The following GRXCR1 variants were observed in gnomAD, a reference collection of about 807,000 sequenced individuals.
The protein encoded by GRXCR1 is glutaredoxin and cysteine rich domain containing 1, also known as glutaredoxin domain-containing cysteine-rich protein 1.
Under a neutral mutation model 27.3 loss-of-function variants are expected in GRXCR1, and 27 were observed. The observed-to-expected ratio is 0.99, with a 90% CI of 0.73 to 1.37. The LOEUF (loss-of-function observed/expected upper bound fraction) is 1.37. Among genes scored for constraint, GRXCR1 ranks in the 40% most tolerant of loss-of-function variants. The probability of loss-of-function intolerance (pLI) is 0.00; values close to 1 mark genes in which losing one functional copy is unlikely to be tolerated. For synonymous variants in GRXCR1, 122 were observed against 131.1 expected, an observed-to-expected ratio of 0.93 and a Z score of 0.47; for missense variants, 379 against 354.4, an observed-to-expected ratio of 1.07 and a Z score of -0.56.
intron 1 of GRXCR1, among the ~76,000 whole-genome samples, chr4:42,899,242 C>A (rs572408925): frequency 8.6e-4 from 131 of 152,170 alleles, no homozygotes; most frequent in African/African-American, 3.1e-3. Flanking sequence ...TGCTGGCTTG[C>A]TTCATTCCAT....
intron 2 of GRXCR1, among the ~76,000 whole-genome samples, chr4:42,970,889 G>A (rs1246212712): frequency 6.6e-6 from 1 of 152,108 alleles, no homozygotes; most frequent in Non-Finnish European, 1.5e-5. Flanking sequence ...AAATTGTTAT[G>A]CTCTTCTTCC....
chr4:42,979,911 A>T (rs1748609577), intron 2 of GRXCR1, among the ~76,000 whole-genome samples: 1 of 151,862 alleles, frequency 6.6e-6, no homozygotes, highest in South Asian at 2.1e-4. Flanking sequence ...TATGTCCAGG[A>T]ATTCATTCAT....
intron 2 of GRXCR1, among the ~76,000 whole-genome samples, chr4:42,995,098 A>G (rs1199173276): frequency 6.6e-6 from 1 of 152,190 alleles, no homozygotes; most frequent in African/African-American, 2.4e-5. Flanking sequence ...GTCTATATAC[A>G]TAAACTTGGG....
chr4:43,015,219 T>A (rs1267868180), intron 2 of GRXCR1, among the ~76,000 whole-genome samples: 1 of 152,158 alleles, frequency 6.6e-6, no homozygotes, highest in Non-Finnish European at 1.5e-5. Context: ...TGCAATCAAA[T>A]AGTGAAGACA....
intron 2 of GRXCR1, among the ~76,000 whole-genome samples, chr4:42,987,229 T>TATAA (rs1362997341): frequency 1.1e-5 from 1 of 92,236 alleles, no homozygotes; most frequent in African/African-American, 4.2e-5. Flanking sequence ...ATATTATATA[T>TATAA]TATATATATA....
intron 1 of GRXCR1, among the ~76,000 whole-genome samples, chr4:42,931,961 G>A (rs1052926719): frequency 6.6e-6 from 1 of 151,916 alleles, no homozygotes; most frequent in African/African-American, 2.4e-5. Context: ...CGGCAATAGA[G>A]AGGCAGAGAA....
At chr4:43,009,881 A>G (rs1219547116) in intron 2 of GRXCR1, among the ~76,000 whole-genome samples, 1 of 152,166 alleles carries the variant, frequency 6.6e-6, no homozygotes, top group Non-Finnish European at 1.5e-5. Flanking sequence ...CTATCTATGT[A>G]TCTATGTGCC....
chr4:42,912,313 A>G (rs552715384), intron 1 of GRXCR1, among the ~76,000 whole-genome samples: 2 of 152,208 alleles, frequency 1.3e-5, no homozygotes, highest in Non-Finnish European at 2.9e-5. Context: ...ATAGAATTAC[A>G]AAGACTTAGT....
At chr4:42,953,426 G>C (rs911490963) in intron 1 of GRXCR1, among the ~76,000 whole-genome samples, 1 of 152,140 alleles carries the variant, frequency 6.6e-6, no homozygotes. Context: ...AAGGCTATGA[G>C]TAGGTGTTCT....
intron 1 of GRXCR1, among the ~76,000 whole-genome samples, chr4:42,930,040 C>G (rs544763496): frequency 6.6e-6 from 1 of 151,996 alleles, no homozygotes; most frequent in Non-Finnish European, 1.5e-5. Context: ...CCTTTTGGCT[C>G]TCAGTAGATT....
intron 2 of GRXCR1, among the ~76,000 whole-genome samples, chr4:42,969,353 T>C (rs1748326536): frequency 6.6e-6 from 1 of 152,144 alleles, no homozygotes; most frequent in African/African-American, 2.4e-5. Context: ...AAGAACTACC[T>C]GAGACTGGGT....
At chr4:42,907,647 C>T (rs1746626741) in intron 1 of GRXCR1, among the ~76,000 whole-genome samples, 1 of 152,128 alleles carries the variant, frequency 6.6e-6, no homozygotes. Context: ...CTCCCTGCTC[C>T]TTATATGTAG....
chr4:43,015,040 C>G (rs16855214), intron 2 of GRXCR1, among the ~76,000 whole-genome samples: 11,666 of 151,970 alleles, frequency 0.077, 791 homozygotes, highest in African/African-American at 0.19. Flanking sequence ...AGGATGCATA[C>G]GAGTTTCCCA....
intron 2 of GRXCR1, among the ~76,000 whole-genome samples, chr4:43,017,979 G>C (rs1014771823): frequency 6.6e-6 from 1 of 152,230 alleles, no homozygotes; most frequent in African/African-American, 2.4e-5. Context: ...CTCAGCATGG[G>C]AGTGATCTGT....
chr4:42,931,163 T>G (rs1045372350), intron 1 of GRXCR1, among the ~76,000 whole-genome samples: 2 of 152,062 alleles, frequency 1.3e-5, no homozygotes, highest in Non-Finnish European at 2.9e-5. Context: ...AAATGTTGGA[T>G]AAACTTTCAG....
At chr4:42,953,226 A>G (rs1031468946) in intron 1 of GRXCR1, among the ~76,000 whole-genome samples, 2 of 152,136 alleles carry the variant, frequency 1.3e-5, no homozygotes, top group Non-Finnish European at 2.9e-5. Context: ...CCATTCCTCT[A>G]TCAAGAAGTG....
intron 1 of GRXCR1, among the ~76,000 whole-genome samples, chr4:42,947,505 CTTCA>C (rs1747775556): frequency 6.6e-6 from 1 of 152,124 alleles, no homozygotes; most frequent in African/African-American, 2.4e-5. Flanking sequence ...GGAATATAGA[CTTCA>C]TTCAATGATT....
chr4:42,976,541 G>A (rs919242797), intron 2 of GRXCR1, among the ~76,000 whole-genome samples: 2 of 151,832 alleles, frequency 1.3e-5, no homozygotes, highest in African/African-American at 4.8e-5. Flanking sequence ...TCACACCCAC[G>A]AAACCAGCAC....
At chr4:43,016,932 G>A (rs111786640) in intron 2 of GRXCR1, among the ~76,000 whole-genome samples, 5,400 of 152,012 alleles carry the variant, frequency 0.036, 116 homozygotes, top group African/African-American at 0.052. Flanking sequence ...CCTTATCTTC[G>A]TCTGTGAAGT....
Sources: gnomAD v4.1 joint callset for allele counts (sites outside exome capture counted in the v4.1 genomes callset) on GRCh38, gnomAD v4.1.1 for gene constraint, MANE v1.5 for transcripts, NCBI Gene and HGNC (gene_info 2026-07-23, HGNC 2026-07-21) for gene names.